The following MMP17 variants were observed in gnomAD, a reference collection of about 807,000 sequenced individuals.
The protein encoded by MMP17 is matrix metalloproteinase-17.
In MMP17, 54 loss-of-function variants were observed where a neutral mutation model predicts 49.1. That is an observed-to-expected ratio of 1.10 (90% CI 0.88 to 1.38). The LOEUF is 1.38. MMP17 is among the 40% of genes most tolerant of loss of function. MMP17 has a pLI of 0.00. For missense variants in MMP17, 837 were observed against 853.7 expected (o/e 0.98, Z 0.24); for synonymous variants, 397 against 383.1 (o/e 1.04, Z -0.42).
chr12:131,837,937 C>T (rs1236650261), intron 1 of MMP17: 1 of 357,298 alleles, frequency 2.8e-6, no homozygotes, highest in African/African-American at 2.1e-5. Flanking sequence ...GTCTCCATCT[C>T]CTGACCTCAT....
chr12:131,851,060 C>T lies in MMP17; in HGVS notation c.1598C>T (p.Ala533Val). ...CGDSQADGSV[A>V]AGVDAAEGPR... ...GACTCACAGGCCGATGGATCTGTGG[C>T]TGCGGGCGTGGACGCGGCAGAGGGG... The change falls in exon 10 of 10, where the codon GCT becomes GTT. Residue 533 changes from alanine (A) to valine (V), a missense_variant. Transcript: ENST00000360564. 1 of 1,608,490 alleles carries T rather than the reference C, an allele frequency of 6.2e-7. No homozygotes were observed. The highest frequency in any genetic ancestry group is 8.5e-7 in the Non-Finnish European group (1 of 1,177,890).
intron 1 of MMP17, among the ~76,000 whole-genome samples, chr12:131,829,454 GCGCCCCCC>G (rs1244681878): frequency 1.3e-5 from 2 of 152,202 alleles, no homozygotes. Context: ...CGTGGGGTCA[GCGCCCCCC>G]CGCTGGGGCG....
chr12:131,851,137 G>C lies in MMP17; in HGVS notation c.1675G>C (p.Glu559Gln), dbSNP rs758660100. 8.3e-6 allele frequency: 13 copies of C among 1,575,758 alleles called. No homozygotes were observed. The highest frequency in any genetic ancestry group is 1.7e-4 in the Middle Eastern group (1 of 5,972). The stretch of plus-strand genomic sequence containing the variant: ...CCAGAGCCGCTCGGAGGACGGTTAC[G>C]AGGTCTGCTCATGCACCTCTGGGGC... ...HDQSRSEDGY[E>Q]VCSCTSGASS... Residue 559 changes from glutamate to glutamine, a missense_variant, in exon 10 of 10, where the codon GAG becomes CAG. By Grantham distance (29) the Glu-to-Gln change is conservative (BLOSUM62 2). Transcript: ENST00000360564.
Position 131,838,776 on chromosome 12 carries a change from C to T in MMP17, c.422+35C>T, listed in dbSNP as rs1345014944. The T allele has an allele frequency of 1.5e-5, 22 of 1,505,304 alleles. No individual in the cohort carries two copies. The East Asian group carries it at 1.5e-4, about 10-fold the overall frequency. The allele number at this position is 1,505,304 out of a possible 1,614,324, so 93.2% of individuals were successfully genotyped here. A position where few individuals can be genotyped will look rare whatever the true frequency, so the allele number is the denominator to read the frequency against. ...TGGCCAGGGTGAGGAGCGGGGCCTCCGTGGAGGTGGGCGCGTGGCCAGGGT... is the reference window on the plus strand; with the variant it reads ...TGGCCAGGGTGAGGAGCGGGGCCTCTGTGGAGGTGGGCGCGTGGCCAGGGT... On this transcript the variant is annotated intron_variant, in intron 3 of 9. Transcript: ENST00000360564.
chr12:131,838,221 G>T lies in MMP17; in HGVS notation c.186G>T (p.Leu62=). 6.2e-7 allele frequency: 1 copy of T among 1,612,964 alleles called. No homozygotes were observed. Among genetic ancestry groups the T allele is most frequent in the Non-Finnish European group, 8.5e-7 (1 of 1,179,834 alleles). ...GVEWLSRFGY[L]PPADPTTGQL... ...AGTGGCTAAGCAGGTTCGGTTACCT[G>T]CCCCCGGCTGACCCCACAACAGGGC... The change falls in exon 2 of 10, where the codon CTG becomes CTT. Residue 62 remains leucine (L), a synonymous_variant. Transcript: ENST00000360564.
intron 1 of MMP17, among the ~76,000 whole-genome samples, chr12:131,831,620 G>C (rs1181314217): frequency 6.6e-6 from 1 of 151,484 alleles, no homozygotes; most frequent in African/African-American, 2.4e-5. Context: ...ACGTCTGACT[G>C]TCCCTTGCTC....
rs1593217110 is a variant in MMP17 at position 131,828,640 on chromosome 12, T to C, written c.146T>C (p.Leu49Pro). 2 of 619,108 alleles carry C rather than the reference T, an allele frequency of 3.2e-6. No individual in the cohort carries two copies. Among genetic ancestry groups the C allele is most frequent in the East Asian group, 8.6e-5 (1 of 11,566 alleles). 38.4% of individuals were successfully genotyped at this position (619,108 alleles called of 1,614,324 possible). The change falls in exon 1 of 10, where the codon CTC (leucine) becomes CCC (proline). Residue 49 changes from leucine to proline, a missense_variant. By Grantham distance (98) the Leu-to-Pro change is moderately conservative. Coordinates refer to ENST00000360564, the MANE Select transcript of MMP17 (RefSeq NM_016155.7). ...APAPAPRAED[L>P]SLGVEWLSRF... ...GCACCCGCGCCGCGCGCCGAGGACC[T>C]CAGCCTGGGAGTGGTGAGCGCGCGG...
rs552267937 is a variant in MMP17 at position 131,851,499 on chromosome 12, G to C, written c.*225G>C. ...GGACTGTGTTGACTGACGAGCCGAG[G>C]GGTGGCCGCTCCAGAAGGGTGCCCA... On this transcript the variant is annotated 3_prime_UTR_variant, in exon 10 of 10. Coordinates refer to ENST00000360564, the MANE Select transcript of MMP17 (RefSeq NM_016155.7). 4 of 408,828 alleles carry C rather than the reference G, an allele frequency of 9.8e-6. No homozygotes were observed. The highest frequency in any genetic ancestry group is 8.2e-5 in the African/African-American group (4 of 48,880). 25.3% of individuals were successfully genotyped at this position (408,828 alleles called of 1,614,324 possible). A position where few individuals can be genotyped will look rare whatever the true frequency, so the allele number is the denominator to read the frequency against.
chr12:131,841,444 C>T (rs1484945297), intron 4 of MMP17, among the ~76,000 whole-genome samples, 180 bp from the exon 5 acceptor site: 1 of 152,208 alleles, frequency 6.6e-6, no homozygotes, highest in Non-Finnish European at 1.5e-5. Context: ...GCCCAGCAGG[C>T]CCCACAGAGC....
Position 131,844,042 on chromosome 12 carries a change from C to T in MMP17, c.929C>T (p.Pro310Leu). 6.4e-7 allele frequency: 1 copy of T among 1,570,388 alleles called. No homozygotes were observed. The highest frequency in any genetic ancestry group is 1.2e-5 in the South Asian group (1 of 85,982). Residue 310 changes from proline (P) to leucine (L), a missense_variant, in exon 6 of 10, where the codon CCC becomes CTC. Coordinates refer to ENST00000360564, the MANE Select transcript of MMP17 (RefSeq NM_016155.7). ...VSPTAQPEEP[P>L]LLPEPPDNRS... ...CCCACGGCGCAGCCCGAGGAGCCTC[C>T]CCTGCTGCCGGAGCCCCCAGACAAC...
At chr12:131,849,529 C>T (rs1246144365) in intron 8 of MMP17, among the ~76,000 whole-genome samples, 1 of 152,190 alleles carries the variant, frequency 6.6e-6, no homozygotes, top group Non-Finnish European at 1.5e-5. Flanking sequence ...TCGTGGGCCT[C>T]GGTTTGGCCC....
chr12:131,851,381 C>T lies in MMP17; in HGVS notation c.*107C>T, dbSNP rs968458536. The T allele has an allele frequency of 6.0e-5, 64 of 1,062,848 alleles. No individual in the cohort carries two copies. Among genetic ancestry groups the T allele is most frequent in the Non-Finnish European group, 7.6e-5 (62 of 814,810 alleles). 65.8% of individuals were successfully genotyped at this position (1,062,848 alleles called of 1,614,324 possible). A position where few individuals can be genotyped will look rare whatever the true frequency, so the allele number is the denominator to read the frequency against. On this transcript the variant is annotated 3_prime_UTR_variant, in exon 10 of 10. Coordinates refer to ENST00000360564, the MANE Select transcript of MMP17 (RefSeq NM_016155.7). ...GGGAGGTGCTGGCGCGGGATGAGGA[C>T]GGGCCACCCTGGCACCGGAAGGCCA...
chr12:131,849,219 C>T (rs925019023), intron 8 of MMP17, among the ~76,000 whole-genome samples: 4 of 152,200 alleles, frequency 2.6e-5, no homozygotes, highest in Non-Finnish European at 4.4e-5. Flanking sequence ...CACGGTGGCT[C>T]ACACCTGTAA....
Position 131,841,806 on chromosome 12 carries a change from T to A in MMP17, c.883+6T>A. 6.4e-7 allele frequency: 1 copy of A among 1,573,334 alleles called. No individual in the cohort carries two copies. The highest frequency in any genetic ancestry group is 1.1e-5 in the South Asian group (1 of 87,880). ...GCGCGTCTGGCAGCTGTACGGTGAGTGTCTCCCCGAAGCCAGACACAGGGC... is the reference window on the plus strand; with the variant it reads ...GCGCGTCTGGCAGCTGTACGGTGAGAGTCTCCCCGAAGCCAGACACAGGGC... On this transcript the variant is annotated splice_donor_region_variant and intron_variant, in intron 5 of 9. Coordinates refer to ENST00000360564, the MANE Select transcript of MMP17 (RefSeq NM_016155.7).
chr12:131,838,220 T>C lies in MMP17; in HGVS notation c.185T>C (p.Leu62Pro). The change falls in exon 2 of 10, where the codon CTG becomes CCG. Residue 62 changes from leucine to proline, a missense_variant. Leu to Pro is a moderately conservative substitution (Grantham distance 98, BLOSUM62 -3). Transcript: ENST00000360564. ...GVEWLSRFGY[L>P]PPADPTTGQL... The stretch of plus-strand genomic sequence containing the variant: ...GAGTGGCTAAGCAGGTTCGGTTACC[T>C]GCCCCCGGCTGACCCCACAACAGGG... 6.2e-7 allele frequency: 1 copy of C among 1,612,912 alleles called. No homozygotes were observed. The highest frequency in any genetic ancestry group is 2.2e-5 in the East Asian group (1 of 44,866).
At chr12:131,837,326 C>T (rs1362148658) in intron 1 of MMP17, among the ~76,000 whole-genome samples, 1 of 152,220 alleles carries the variant, frequency 6.6e-6, no homozygotes, top group African/African-American at 2.4e-5. Flanking sequence ...GGGTCTCGCT[C>T]TGTTGCAGAC....
At chr12:131,850,210 C>T (rs1887905536) in intron 9 of MMP17, 151 bp downstream of exon 9, 4 of 1,154,374 alleles carry the variant, frequency 3.5e-6, no homozygotes, top group East Asian at 2.6e-5. Flanking sequence ...CTGGAGCTGC[C>T]GACCCTGCAG....
At chr12:131,833,935 G>A (rs1250397230) in intron 1 of MMP17, among the ~76,000 whole-genome samples, 2 of 152,240 alleles carry the variant, frequency 1.3e-5, no homozygotes, top group Non-Finnish European at 2.9e-5. Flanking sequence ...CCTAAAAACC[G>A]TCAAAGGGAA....
At chr12:131,829,408 C>A (rs1283272422) in intron 1 of MMP17, among the ~76,000 whole-genome samples, 1 of 152,238 alleles carries the variant, frequency 6.6e-6, no homozygotes, top group Non-Finnish European at 1.5e-5. Context: ...CCGGGACTCG[C>A]GTCTCCTGTG....
Sources: gnomAD v4.1 joint callset for allele counts (sites outside exome capture counted in the v4.1 genomes callset) on GRCh38, gnomAD v4.1.1 for gene constraint, MANE v1.5 for transcripts, NCBI Gene and HGNC (gene_info 2026-07-23, HGNC 2026-07-21) for gene names.